GDA: variants seen among roughly 807,000 people sequenced by gnomAD.
GDA encodes the protein guanine deaminase.
A neutral mutation model predicts 59.6 loss-of-function variants in GDA; 18 were observed. The observed-to-expected ratio is 0.30, with a 90% CI of 0.21 to 0.45. The LOEUF (loss-of-function observed/expected upper bound fraction) is 0.45, where lower values mean the gene tolerates loss of function less well. GDA is among the 20% of genes least tolerant of loss of function. GDA has a pLI of 1.00. For synonymous variants in GDA, 201 were observed against 201.1 expected (o/e 1.00, Z 0.00); for missense variants, 427 against 552.3 (o/e 0.77, Z 2.27).
At chr9:72,149,836 A>G (rs949587662) in intron 1 of GDA, among the ~76,000 whole-genome samples, 154 bp downstream of exon 1, 1 of 152,226 alleles carries the variant, frequency 6.6e-6, no homozygotes, top group Non-Finnish European at 1.5e-5. Flanking sequence ...TGGGCAACGC[A>G]GAGAGAACCC....
intron 1 of GDA, among the ~76,000 whole-genome samples, chr9:72,165,897 CAA>C (rs1279218324): frequency 5.2e-5 from 5 of 95,720 alleles, no homozygotes; most frequent in Non-Finnish European, 4.4e-5. Context: ...GACTCTGTCT[CAA>C]AAAAAAAAAA....
chr9:72,185,743 C>A (rs1477460282), intron 1 of GDA, among the ~76,000 whole-genome samples: 1 of 152,158 alleles, frequency 6.6e-6, no homozygotes, highest in Non-Finnish European at 1.5e-5. Flanking sequence ...AAGCCTCTTG[C>A]CCAAATTTGC....
intron 7 of GDA, 55 bp from the exon 8 acceptor site, chr9:72,225,622 A>G (rs1837455617): frequency 1.2e-6 from 1 of 843,264 alleles, no homozygotes; most frequent in Admixed American, 2.3e-5. Context: ...TAGGAAGTGT[A>G]ATTTCTAATG....
chr9:72,149,312 A>G (rs1826842497), upstream of GDA: 1 of 524,682 alleles, frequency 1.9e-6, no homozygotes, highest in Non-Finnish European at 3.3e-6. Context: ...GGTGGAGAGA[A>G]AGACCACACC....
chr9:72,195,270 G>T (rs1027774179), intron 1 of GDA, among the ~76,000 whole-genome samples: 8 of 149,198 alleles, frequency 5.4e-5, no homozygotes, highest in Admixed American at 3.3e-4. Flanking sequence ...GTCTCAGATT[G>T]ATATTATGGC....
intron 1 of GDA, among the ~76,000 whole-genome samples, chr9:72,121,066 A>G (rs1269802677): frequency 1.3e-5 from 2 of 152,214 alleles, no homozygotes; most frequent in African/African-American, 4.8e-5. Flanking sequence ...CGAGAAGCAT[A>G]TAAATAGCAT....
intron 8 of GDA, among the ~76,000 whole-genome samples, chr9:72,226,250 G>A (rs1406773884): frequency 1.3e-5 from 2 of 152,144 alleles, no homozygotes; most frequent in East Asian, 3.8e-4. Flanking sequence ...TGTTATCGGT[G>A]AGGGATTAAA....
At chr9:72,176,755 A>G (rs915257269) in intron 1 of GDA, among the ~76,000 whole-genome samples, 1 of 152,188 alleles carries the variant, frequency 6.6e-6, no homozygotes, top group African/African-American at 2.4e-5. Context: ...CTTTTACATG[A>G]TGGCTTTTCC....
chr9:72,247,238 G>A (rs1458645713), intron 12 of GDA, among the ~76,000 whole-genome samples, 168 bp from the exon 13 acceptor site: 2 of 152,102 alleles, frequency 1.3e-5, no homozygotes, highest in Non-Finnish European at 2.9e-5. Flanking sequence ...TTTGTTCTGG[G>A]AGGTTTTTAT....
At chr9:72,231,058 C>A in intron 9 of GDA, 56 bp from the exon 10 acceptor site, 1 of 964,004 alleles carries the variant, frequency 1.0e-6, no homozygotes, top group South Asian at 1.3e-5. Flanking sequence ...TATTAGTGTT[C>A]ATCTTTTATT....
At chr9:72,145,193 C>T (rs1826584997), upstream of GDA, among the ~76,000 whole-genome samples, 1 of 152,164 alleles carries the variant, frequency 6.6e-6, no homozygotes, top group Admixed American at 6.5e-5. Context: ...TTTAGTTTTA[C>T]TGCAGGCTAG....
At chr9:72,162,447 G>A (rs1364298596) in intron 1 of GDA, among the ~76,000 whole-genome samples, 1 of 152,084 alleles carries the variant, frequency 6.6e-6, no homozygotes, top group Admixed American at 6.5e-5. Context: ...GAGTCTGAAG[G>A]TTAAATGGGA....
Position 72,250,370 on chromosome 9 carries a change from A to G in GDA, c.*2028A>G. On this transcript the variant is annotated 3_prime_UTR_variant, in exon 14 of 14. Coordinates refer to ENST00000358399, the MANE Select transcript of GDA (RefSeq NM_004293.5). ...CTTAGGACTCATGTGCAGTAAATAT[A>G]AATAAGTGTAGCATCAGAAGCAGTA... 32 of 1,099,528 alleles carry G rather than the reference A, an allele frequency of 2.9e-5. No individual in the cohort carries two copies. Among genetic ancestry groups the G allele is most frequent in the Non-Finnish European group, 3.6e-5 (32 of 900,578 alleles). 68.1% of individuals were successfully genotyped at this position (1,099,528 alleles called of 1,614,324 possible).
At chr9:72,117,037 T>C (rs546839836) in intron 1 of GDA, among the ~76,000 whole-genome samples, 13 of 152,174 alleles carry the variant, frequency 8.5e-5, no homozygotes, top group Non-Finnish European at 1.8e-4. Context: ...TTTGGTTTTC[T>C]GTCCTTGAGA....
chr9:72,131,708 T>C (rs1826033756), intron 1 of GDA, among the ~76,000 whole-genome samples: 1 of 152,040 alleles, frequency 6.6e-6, no homozygotes, highest in Admixed American at 6.6e-5. Flanking sequence ...AGACATCATG[T>C]ACTCTCTTCA....
At chr9:72,166,288 C>A (rs1829299536) in intron 1 of GDA, among the ~76,000 whole-genome samples, 1 of 152,006 alleles carries the variant, frequency 6.6e-6, no homozygotes, top group Non-Finnish European at 1.5e-5. Flanking sequence ...AATAAGGGAA[C>A]AAGATTTGGA....
intron 1 of GDA, among the ~76,000 whole-genome samples, chr9:72,186,429 C>G (rs910602468): frequency 1.3e-5 from 2 of 152,158 alleles, no homozygotes; most frequent in African/African-American, 4.8e-5. Flanking sequence ...GTGGTTCACT[C>G]TCTCCTTTTA....
intron 1 of GDA, among the ~76,000 whole-genome samples, chr9:72,137,284 C>T (rs1826270378): frequency 9.5e-6 from 1 of 105,306 alleles, no homozygotes; most frequent in African/African-American, 3.7e-5. Flanking sequence ...CTCACTCTGT[C>T]TGCCCAGGCT....
At chr9:72,115,786 C>G (rs1825416179) in intron 1 of GDA, among the ~76,000 whole-genome samples, 1 of 152,106 alleles carries the variant, frequency 6.6e-6, no homozygotes, top group Non-Finnish European at 1.5e-5. Flanking sequence ...ATTAATTTAA[C>G]AAAATGAGAA....
Sources: allele counts gnomAD v4.1 joint callset (sites outside exome capture counted in the v4.1 genomes callset), GRCh38; gene constraint gnomAD v4.1.1; transcripts MANE v1.5; gene names NCBI Gene and HGNC (gene_info 2026-07-23, HGNC 2026-07-21).